PDGFRA: variants seen among roughly 807,000 people sequenced by gnomAD.
PDGFRA encodes the protein platelet derived growth factor receptor alpha.
A neutral mutation model predicts 121.5 loss-of-function variants in PDGFRA; 25 were observed. The observed-to-expected ratio is 0.21, with a 90% CI of 0.15 to 0.29. The LOEUF is 0.29. PDGFRA is among the 10% of genes least tolerant of loss of function. The pLI is 1.00. For synonymous variants in PDGFRA, 463 were observed against 494.8 expected, an observed-to-expected ratio of 0.94 and a Z score of 0.85; for missense variants, 1,008 against 1,345.1, an observed-to-expected ratio of 0.75 and a Z score of 3.92.
At chr4:54,232,099 C>T (rs147526488) in intron 1 of PDGFRA, among the ~76,000 whole-genome samples, 80 of 152,350 alleles carry the variant, frequency 5.3e-4, no homozygotes, top group African/African-American at 1.9e-3. Context: ...GGAGCTGCGA[C>T]CAGGTTATAC....
intron 1 of PDGFRA, among the ~76,000 whole-genome samples, chr4:54,249,369 G>C (rs962862669): frequency 6.6e-6 from 1 of 152,104 alleles, no homozygotes; most frequent in Non-Finnish European, 1.5e-5. Flanking sequence ...CAATAGCAAA[G>C]ACTTGGAACC....
intron 1 of PDGFRA, among the ~76,000 whole-genome samples, chr4:54,245,477 A>C (rs1337904281): frequency 6.6e-6 from 1 of 152,056 alleles, no homozygotes; most frequent in Non-Finnish European, 1.5e-5. Context: ...TTCATAAGTG[A>C]AGGAGAAATA....
At chr4:54,284,599 G>GA (rs1447508683) in intron 16 of PDGFRA, among the ~76,000 whole-genome samples, 1 of 130,432 alleles carries the variant, frequency 7.7e-6, no homozygotes, top group African/African-American at 3.2e-5. Context: ...AGAGAGAGAG[G>GA]TGCCATACAG....
chr4:54,283,677 C>G (rs1459824299), intron 16 of PDGFRA, among the ~76,000 whole-genome samples: 4 of 152,254 alleles, frequency 2.6e-5, no homozygotes. Context: ...CCCAGCAGCC[C>G]TCTTTAATTC....
chr4:54,256,584 G>A (rs73252944), intron 1 of PDGFRA, among the ~76,000 whole-genome samples: 2,748 of 150,520 alleles, frequency 0.018, 39 homozygotes, highest in Middle Eastern at 0.038. Flanking sequence ...TCAGTCTGTC[G>A]CCCACACTGG....
intron 18 of PDGFRA, 121 bp downstream of exon 18, chr4:54,286,084 C>A: frequency 9.8e-7 from 1 of 1,017,128 alleles, no homozygotes; most frequent in Non-Finnish European, 1.5e-6. Flanking sequence ...TTCAAGGGGT[C>A]AGTACACTGC....
chr4:54,272,204 C>T (rs1723438723), intron 8 of PDGFRA, among the ~76,000 whole-genome samples, 190 bp from the exon 9 acceptor site: 1 of 151,692 alleles, frequency 6.6e-6, no homozygotes, highest in Non-Finnish European at 1.5e-5. Flanking sequence ...CTCAAAACAC[C>T]AAAACTGTGA....
At chr4:54,236,523 G>A (rs1404333469) in intron 1 of PDGFRA, among the ~76,000 whole-genome samples, 2 of 152,190 alleles carry the variant, frequency 1.3e-5, no homozygotes, top group South Asian at 2.1e-4. Context: ...TCACAAACAC[G>A]CTGAGCACAG....
In PDGFRA at chr4:54,288,809, T is replaced by C. The variant is rs748924083; in HGVS notation, c.2685T>C (p.Pro895=). 1.9e-6 allele frequency: 3 copies of C among 1,610,366 alleles called. No homozygotes were observed. Among genetic ancestry groups the C allele is most frequent in the Non-Finnish European group, 2.5e-6 (3 of 1,176,478 alleles). ...TTGTTTGGCTTTTAGGTGGCACCCC[T>C]TACCCCGGCATGATGGTGGATTCTA... ...LWEIFSLGGT[P]YPGMMVDSTF... is the part of the protein sequence containing the mutation. The change falls in exon 20 of 23, where the codon CCT becomes CCC. Residue 895 remains proline, a synonymous_variant. Transcript: ENST00000257290.
chr4:54,281,622 A>G, intron 16 of PDGFRA: 3 of 1,357,754 alleles, frequency 2.2e-6, no homozygotes, highest in Non-Finnish European at 2.9e-6. Flanking sequence ...GAGGAACCTG[A>G]GTCATGCTCA....
chr4:54,275,556 T>A, intron 12 of PDGFRA, among the ~76,000 whole-genome samples: 1 of 152,222 alleles, frequency 6.6e-6, no homozygotes, highest in East Asian at 1.9e-4. Context: ...ACATTCCTAA[T>A]GAATGAAAGC....
intron 18 of PDGFRA, 104 bp from the exon 19 acceptor site, chr4:54,287,326 T>C: frequency 1.3e-6 from 1 of 767,338 alleles, no homozygotes; most frequent in South Asian, 1.3e-5. Context: ...ACAAGATAAT[T>C]AGCACAAGTT....
At chr4:54,243,126 G>T (rs950989446) in intron 1 of PDGFRA, among the ~76,000 whole-genome samples, 18 of 152,148 alleles carry the variant, frequency 1.2e-4, no homozygotes, top group Non-Finnish European at 1.5e-5. Flanking sequence ...GGGCTGATTT[G>T]CTTTAGGTTG....
intron 22 of PDGFRA, among the ~76,000 whole-genome samples, chr4:54,294,876 C>A (rs756922852): frequency 2.6e-5 from 4 of 152,150 alleles, no homozygotes; most frequent in Non-Finnish European, 5.9e-5. Context: ...AGTAGAAATT[C>A]TTGCAGCTTG....
rs377318745 is a variant in PDGFRA at position 54,277,451 on chromosome 4, G to C, written c.1850G>C (p.Arg617Pro). The part of the protein sequence containing the change: ...VVEGTAYGLS[R>P]SQPVMKVAVK... ...GAAGGAACAGCCTATGGATTAAGCCGGTCCCAACCTGTCATGAAAGTTGCA... is the reference window on the plus strand; with the variant it reads ...GAAGGAACAGCCTATGGATTAAGCCCGTCCCAACCTGTCATGAAAGTTGCA... The change falls in exon 13 of 23, where the codon CGG becomes CCG. Residue 617 changes from arginine to proline, a missense_variant. Arg to Pro is a moderately radical substitution (Grantham distance 103). Coordinates refer to ENST00000257290, the MANE Select transcript of PDGFRA (RefSeq NM_006206.6). 21 of 1,613,862 alleles carry C rather than the reference G, an allele frequency of 1.3e-5. No homozygotes were observed. The highest frequency in any genetic ancestry group is 1.7e-5 in the Admixed American group (1 of 59,994).
intron 21 of PDGFRA, among the ~76,000 whole-genome samples, chr4:54,289,727 T>C (rs536466008): frequency 6.6e-6 from 1 of 152,280 alleles, no homozygotes; most frequent in South Asian, 2.1e-4. Flanking sequence ...TGTTAGGAGA[T>C]TGTGTGCCGA....
At chr4:54,255,506 CTTT>C (rs375357866) in intron 1 of PDGFRA, among the ~76,000 whole-genome samples, 12 of 138,064 alleles carry the variant, frequency 8.7e-5, no homozygotes, top group African/African-American at 8.1e-5. Flanking sequence ...TCTCCCCTTT[CTTT>C]TTTTTTTTTT....
At chr4:54,271,659 C>T (rs914014274) in intron 8 of PDGFRA, among the ~76,000 whole-genome samples, 6 of 148,384 alleles carry the variant, frequency 4.0e-5, no homozygotes, top group African/African-American at 1.5e-4. Context: ...CTCCTTCCTT[C>T]CTTCCTTGCT....
intron 16 of PDGFRA, among the ~76,000 whole-genome samples, chr4:54,282,495 G>T (rs566642151): frequency 6.6e-6 from 1 of 152,252 alleles, no homozygotes; most frequent in South Asian, 2.1e-4. Flanking sequence ...CCAGAAGGAT[G>T]GTGCTAAATT....
Sources: allele counts gnomAD v4.1 joint callset (sites outside exome capture counted in the v4.1 genomes callset), GRCh38; gene constraint gnomAD v4.1.1; transcripts MANE v1.5; gene names NCBI Gene and HGNC (gene_info 2026-07-23, HGNC 2026-07-21).